SNTG1: variants seen among roughly 807,000 people sequenced by gnomAD.
SNTG1 encodes syntrophin gamma 1.
Under a neutral mutation model 74.7 loss-of-function variants are expected in SNTG1, and 39 were observed. The observed-to-expected ratio is 0.52, with a 90% confidence interval of 0.40 to 0.68. The LOEUF is 0.68. Ranked by LOEUF, SNTG1 falls within the 30% of genes least tolerant of loss-of-function variation. The pLI is 0.00. For missense variants in SNTG1, 685 were observed against 609.5 expected (o/e 1.12, Z -1.30); for synonymous variants, 254 against 217.1 (o/e 1.17, Z -1.49).
chr8:50,408,086 A>G lies in SNTG1; in HGVS notation c.162+5742A>G, dbSNP rs574222104. 1.0e-3 allele frequency among the ~76,000 whole-genome samples: 155 copies of G among 152,308 alleles called. 3 individuals carry two copies. The highest frequency in any genetic ancestry group is 9.5e-3 in the South Asian group (46 of 4,824). On this transcript the variant is annotated intron_variant, in intron 4 of 18. Transcript: ENST00000642720. ...GAATCCTGAGCAGCAAGCAATTATA[A>G]AAAGCAAGCTAGGAAACAATGCCTA... is the stretch of plus-strand genomic sequence containing the variant.
rs2095200022 is a variant in SNTG1 at position 50,658,795 on chromosome 8, GA to G, written c.1038+135del. On this transcript the variant is annotated intron_variant, in intron 15 of 18. Coordinates refer to ENST00000642720, the MANE Select transcript of SNTG1 (RefSeq NM_018967.5). ...AGACACGATAAAGACAAATGAAAGA[GA>G]AAGAAAATAAACTGGACAAAAAAGA... 5.9e-5 allele frequency: 36 copies of G among 612,484 alleles called. No homozygotes were observed. In the South Asian group the frequency reaches 7.1e-4, roughly 12 times the overall value. The allele number at this position is 612,484 out of a possible 1,614,324, so 37.9% of individuals were successfully genotyped here. A position where few individuals can be genotyped will look rare whatever the true frequency, so the allele number is the denominator to read the frequency against.
At chr8:50,209,811 C>T (rs897248023) in intron 2 of SNTG1, among the ~76,000 whole-genome samples, 24 of 152,152 alleles carry the variant, frequency 1.6e-4, no homozygotes, top group African/African-American at 2.4e-5. Context: ...AATCAGAATG[C>T]CTCTTCTCCT....
intron 18 of SNTG1, among the ~76,000 whole-genome samples, chr8:50,778,930 A>G (rs2095649665): frequency 6.6e-6 from 1 of 152,176 alleles, no homozygotes; most frequent in South Asian, 2.1e-4. Context: ...ATCGCTAGCC[A>G]GTTTTCCCAG....
At chr8:49,911,325 A>AT (rs1327977180), upstream of SNTG1, 2 of 151,128 alleles carry the variant, frequency 1.3e-5, no homozygotes, top group African/African-American at 2.4e-5. Flanking sequence ...AAATCTATAT[A>AT]TTTTTTCTCT....
chr8:50,717,130 C>A (rs2095477010), intron 17 of SNTG1, among the ~76,000 whole-genome samples: 1 of 152,220 alleles, frequency 6.6e-6, no homozygotes, highest in Non-Finnish European at 1.5e-5. Context: ...ATAGAAAAAA[C>A]AAAATCAAGA....
chr8:50,259,510 AAGAAAG>A (rs1322836220), intron 2 of SNTG1, among the ~76,000 whole-genome samples: 122 of 9,552 alleles, frequency 0.013, 3 homozygotes, highest in African/African-American at 0.015. Flanking sequence ...AAAAAAAAAA[AAGAAAG>A]AAAGAAAGAA....
intron 12 of SNTG1, among the ~76,000 whole-genome samples, chr8:50,555,328 A>G (rs1188026699): frequency 6.6e-6 from 1 of 152,208 alleles, no homozygotes; most frequent in Non-Finnish European, 1.5e-5. Context: ...CAAAAGTATT[A>G]GGTTCCAATG....
chr8:50,558,384 T>C (rs1012590026), intron 12 of SNTG1, among the ~76,000 whole-genome samples: 10 of 152,212 alleles, frequency 6.6e-5, no homozygotes, highest in Admixed American at 5.9e-4. Flanking sequence ...CTCAGAGTTT[T>C]TGTTTGTTGT....
chr8:50,527,347 T>G (rs1391854163), intron 9 of SNTG1, among the ~76,000 whole-genome samples: 1 of 152,152 alleles, frequency 6.6e-6, no homozygotes, highest in Admixed American at 6.5e-5. Context: ...TTTCCTTTTA[T>G]TGTTTTTGTA....
At chr8:50,115,291 G>A (rs555325137) in intron 1 of SNTG1, among the ~76,000 whole-genome samples, 2 of 151,932 alleles carry the variant, frequency 1.3e-5, no homozygotes, top group Non-Finnish European at 2.9e-5. Context: ...GCTTGGCCGG[G>A]TGCCATGGCT....
At chr8:50,350,235 C>T (rs930412962) in intron 2 of SNTG1, among the ~76,000 whole-genome samples, 5 of 152,250 alleles carry the variant, frequency 3.3e-5, no homozygotes, top group Admixed American at 2.0e-4. Context: ...CCCGAGCCTC[C>T]CTGACGAGTG....
chr8:50,133,262 T>C (rs1236035782), intron 1 of SNTG1, among the ~76,000 whole-genome samples: 1 of 152,172 alleles, frequency 6.6e-6, no homozygotes, highest in Non-Finnish European at 1.5e-5. Flanking sequence ...TTTCCTCCAC[T>C]GACCAATAAT....
intron 2 of SNTG1, among the ~76,000 whole-genome samples, chr8:50,318,318 G>A (rs1381843419): frequency 2.6e-5 from 4 of 152,184 alleles, no homozygotes; most frequent in South Asian, 4.1e-4. Flanking sequence ...ATTGTGGAAA[G>A]CATTGGATAC....
intron 1 of SNTG1, among the ~76,000 whole-genome samples, chr8:50,116,370 T>A (rs2080821085): frequency 6.6e-6 from 1 of 152,172 alleles, no homozygotes; most frequent in Non-Finnish European, 1.5e-5. Flanking sequence ...TCTTTCTTGA[T>A]TTTTCTCAGC....
chr8:50,486,207 G>A (rs1407024456), intron 8 of SNTG1, among the ~76,000 whole-genome samples: 5 of 150,112 alleles, frequency 3.3e-5, no homozygotes, highest in Admixed American at 2.7e-4. Context: ...TAGCTTGATG[G>A]GGATGGCATT....
At chr8:50,030,701 T>C (rs1401845486) in intron 1 of SNTG1, among the ~76,000 whole-genome samples, 1 of 152,072 alleles carries the variant, frequency 6.6e-6, no homozygotes, top group Non-Finnish European at 1.5e-5. Context: ...GTTTCATTGA[T>C]CTATTGTCAA....
At chr8:50,205,537 A>G (rs754496110) in intron 2 of SNTG1, among the ~76,000 whole-genome samples, 1 of 152,092 alleles carries the variant, frequency 6.6e-6, no homozygotes, top group African/African-American at 2.4e-5. Flanking sequence ...GTTCACGCTG[A>G]TGGTAGTTTC....
At chr8:50,020,232 G>A (rs1194381384) in intron 1 of SNTG1, among the ~76,000 whole-genome samples, 1 of 152,046 alleles carries the variant, frequency 6.6e-6, no homozygotes, top group Admixed American at 6.6e-5. Context: ...TGTATTACTT[G>A]TTTTTTCATT....
chr8:50,507,611 C>T (rs1163358574), intron 9 of SNTG1, among the ~76,000 whole-genome samples: 2 of 152,118 alleles, frequency 1.3e-5, no homozygotes. Context: ...TTTGTTGGCA[C>T]ATAATTGTCC....
Sources: allele counts gnomAD v4.1 joint callset (sites outside exome capture counted in the v4.1 genomes callset), GRCh38; gene constraint gnomAD v4.1.1; transcripts MANE v1.5; gene names NCBI Gene and HGNC (gene_info 2026-07-23, HGNC 2026-07-21).